Variants in LIMCH1 observed in about 807,000 individuals in gnomAD.
The protein encoded by LIMCH1 is LIM and calponin homology domains-containing protein 1.
LIMCH1 carries 113 observed loss-of-function variants against 176.5 expected under a neutral mutation model. The observed-to-expected ratio is 0.64, with a 90% CI of 0.55 to 0.75. The LOEUF (loss-of-function observed/expected upper bound fraction) is 0.75. Among genes scored for constraint, LIMCH1 ranks in the 30% least tolerant of loss-of-function variants. The probability of loss-of-function intolerance (pLI) is 0.00; values close to 1 mark genes in which losing one functional copy is unlikely to be tolerated. For missense variants in LIMCH1, 1,674 were observed against 1,814.9 expected (o/e 0.92, Z 1.41); for synonymous variants, 619 against 645.9 (o/e 0.96, Z 0.63).
chr4:41,457,091 A>G (rs1373985352), intron 1 of LIMCH1, among the ~76,000 whole-genome samples: 1 of 152,190 alleles, frequency 6.6e-6, no homozygotes, highest in African/African-American at 2.4e-5. Flanking sequence ...CTTTGGTTAG[A>G]TACAGAGAAA....
intron 1 of LIMCH1, among the ~76,000 whole-genome samples, chr4:41,375,656 A>G (rs1581195601): frequency 6.6e-6 from 1 of 150,866 alleles, no homozygotes; most frequent in South Asian, 2.1e-4. Flanking sequence ...CTCCGGGTCC[A>G]GGGGGTGTGC....
At chr4:41,612,472 G>A in intron 4 of LIMCH1, 2 of 696,470 alleles carry the variant, frequency 2.9e-6, no homozygotes, top group Non-Finnish European at 5.2e-6. Context: ...CTAATTTTAA[G>A]CGACAGTCTG....
chr4:41,512,992 T>C (rs1474750665), intron 2 of LIMCH1, among the ~76,000 whole-genome samples: 1 of 152,240 alleles, frequency 6.6e-6, no homozygotes, highest in Non-Finnish European at 1.5e-5. Context: ...TCTAGAAATC[T>C]CATTCCAAAT....
intron 31 of LIMCH1, among the ~76,000 whole-genome samples, chr4:41,694,301 C>T (rs1457690163): frequency 6.6e-6 from 1 of 152,028 alleles, no homozygotes; most frequent in Non-Finnish European, 1.5e-5. Context: ...AGAAAGACAC[C>T]ACATTAAAAG....
At chr4:41,425,975 A>G (rs1318909017) in intron 1 of LIMCH1, among the ~76,000 whole-genome samples, 3 of 151,012 alleles carry the variant, frequency 2.0e-5, no homozygotes, top group Admixed American at 6.6e-5. Context: ...TTGATTTGAA[A>G]CTAAGGATGC....
intron 1 of LIMCH1, among the ~76,000 whole-genome samples, chr4:41,431,928 TG>T (rs1458193333): frequency 1.3e-5 from 2 of 152,240 alleles, no homozygotes; most frequent in Non-Finnish European, 2.9e-5. Context: ...ATAATGATTC[TG>T]TGCCTAGTTC....
At chr4:41,373,871 G>C (rs1197001098) in intron 1 of LIMCH1, among the ~76,000 whole-genome samples, 2 of 152,128 alleles carry the variant, frequency 1.3e-5, no homozygotes, top group East Asian at 3.9e-4. Flanking sequence ...CCCCCTTGCT[G>C]TTCTTGAGAT....
intron 31 of LIMCH1, among the ~76,000 whole-genome samples, chr4:41,695,495 C>G (rs969450884): frequency 6.6e-6 from 1 of 151,944 alleles, no homozygotes; most frequent in South Asian, 2.1e-4. Flanking sequence ...CCAGCTTTCT[C>G]ATAAACTAAG....
chr4:41,689,623 C>T lies in LIMCH1; in HGVS notation c.4263C>T (p.Ile1421=). The T allele has an allele frequency of 6.2e-7, 1 of 1,602,870 alleles. No homozygotes were observed. Among genetic ancestry groups the T allele is most frequent in the Non-Finnish European group, 8.5e-7 (1 of 1,169,948 alleles). The change falls in exon 30 of 32, where the codon ATC becomes ATT. Residue 1421 remains isoleucine (I), a synonymous_variant. Coordinates refer to ENST00000503057, the MANE Select transcript of LIMCH1 (RefSeq NM_001330672.2). ...IIETLNLYFH[I]QCFRCGICKG... is the part of the protein sequence containing the mutation. ...AGACCCTCAATCTCTATTTTCACAT[C>T]CAGTGTTTCAGGGTACGTACTTACT...
intron 20 of LIMCH1, among the ~76,000 whole-genome samples, chr4:41,663,320 A>T (rs1459521144): frequency 6.6e-6 from 1 of 151,954 alleles, no homozygotes; most frequent in East Asian, 1.9e-4. Flanking sequence ...CGCCCAGCTA[A>T]TTTTTATATT....
chr4:41,550,238 A>G (rs2080200696), intron 1 of LIMCH1, among the ~76,000 whole-genome samples: 2 of 151,448 alleles, frequency 1.3e-5, no homozygotes. Flanking sequence ...TTAATTTTAT[A>G]TTGTGTGTAT....
At chr4:41,635,773 C>T (rs1046094866) in intron 13 of LIMCH1, among the ~76,000 whole-genome samples, 8 of 152,160 alleles carry the variant, frequency 5.3e-5, no homozygotes, top group East Asian at 1.9e-4. Flanking sequence ...TTTAAGCTAA[C>T]GCTAGTTCAT....
intron 4 of LIMCH1, chr4:41,613,045 G>T: frequency 6.4e-7 from 1 of 1,552,076 alleles, no homozygotes; most frequent in Non-Finnish European, 8.7e-7. Context: ...AGCTAAACCA[G>T]GGGCTCATTC....
intron 1 of LIMCH1, among the ~76,000 whole-genome samples, chr4:41,491,817 G>A (rs370576079): frequency 2.2e-4 from 33 of 150,610 alleles, no homozygotes; most frequent in African/African-American, 7.8e-4. Flanking sequence ...GGGCGGCCAG[G>A]CAGAAGCGCT....
At chr4:41,569,886 T>G (rs1056493230) in intron 1 of LIMCH1, among the ~76,000 whole-genome samples, 3 of 152,272 alleles carry the variant, frequency 2.0e-5, no homozygotes, top group African/African-American at 7.2e-5. Context: ...AAAGGATTTA[T>G]GCTTTAAAGT....
intron 5 of LIMCH1, among the ~76,000 whole-genome samples, chr4:41,618,939 C>T (rs1301285917): frequency 6.6e-6 from 1 of 152,178 alleles, no homozygotes; most frequent in East Asian, 1.9e-4. Context: ...TTCTCGGATA[C>T]AGTTAGGCTT....
intron 1 of LIMCH1, among the ~76,000 whole-genome samples, chr4:41,565,346 TACACACACACACACACACACAC>T (rs34056313): frequency 2.3e-5 from 3 of 128,610 alleles, no homozygotes; most frequent in Middle Eastern, 4.1e-3. Context: ...CTATTTCGGA[TACACACACACACACACACACAC>T]ACACACACAC....
At chr4:41,502,146 G>C (rs186296264) in intron 2 of LIMCH1, among the ~76,000 whole-genome samples, 145 of 146,594 alleles carry the variant, frequency 9.9e-4, no homozygotes, top group Non-Finnish European at 1.7e-3. Context: ...CCCCTTATAA[G>C]TGAGAAGATG....
At chr4:41,480,559 A>G (rs2068427262) in intron 1 of LIMCH1, among the ~76,000 whole-genome samples, 1 of 152,172 alleles carries the variant, frequency 6.6e-6, no homozygotes, top group Non-Finnish European at 1.5e-5. Context: ...GTGAGCTGAG[A>G]TTGCGCCTCT....
Sources: gnomAD v4.1 joint callset for allele counts (sites outside exome capture counted in the v4.1 genomes callset) on GRCh38, gnomAD v4.1.1 for gene constraint, MANE v1.5 for transcripts, NCBI Gene and HGNC (gene_info 2026-07-23, HGNC 2026-07-21) for gene names.